VAV2: variants seen among roughly 807,000 people sequenced by gnomAD.
VAV2 encodes guanine nucleotide exchange factor VAV2.
VAV2 carries 67 observed loss-of-function variants against 132.5 expected under a neutral mutation model. The ratio of observed to expected loss-of-function variants is 0.51; its 90% CI spans 0.42 to 0.62. VAV2 has a LOEUF of 0.62. Among genes scored for constraint, VAV2 ranks in the 20% least tolerant of loss-of-function variants. The pLI is 0.00. For synonymous variants in VAV2, 492 were observed against 443.5 expected (o/e 1.11, Z -1.37); for missense variants, 938 against 1,153.6 (o/e 0.81, Z 2.71).
In VAV2 at chr9:133,919,474, G is replaced by A. The variant is rs1425395524; in HGVS notation, c.321+19629C>T. ...GGGGTTCCAGGAGCCCAGGTGTCCC[G>A]GCTCCCAGCCCAGGGACTCACTGTC... On this transcript the variant is annotated intron_variant, in intron 2 of 29. Transcript: ENST00000371850. The surrounding 1 kb of genome is among the most constrained non-coding windows in gnomAD (Gnocchi z 5.8). 3.3e-5 allele frequency among the ~76,000 whole-genome samples: 5 copies of A among 152,164 alleles called. No individual in the cohort carries two copies. The highest frequency in any genetic ancestry group is 1.9e-4 in the East Asian group (1 of 5,188).
At chr9:133,828,501 G>A (rs1019893835) in intron 4 of VAV2, among the ~76,000 whole-genome samples, 3 of 151,964 alleles carry the variant, frequency 2.0e-5, no homozygotes, top group African/African-American at 4.8e-5. Flanking sequence ...CACTGAGCAC[G>A]GGCATCGCCG....
At chr9:133,817,454 G>A (rs965306053) in intron 4 of VAV2, among the ~76,000 whole-genome samples, 40 of 151,990 alleles carry the variant, frequency 2.6e-4, no homozygotes, top group African/African-American at 9.2e-4. Flanking sequence ...GGAGTTCGAG[G>A]CCAGCCTGGC....
At chr9:133,910,646 TA>T (rs377220826) in intron 2 of VAV2, among the ~76,000 whole-genome samples, 7,587 of 138,478 alleles carry the variant, frequency 0.055, 468 homozygotes, top group African/African-American at 0.16. Flanking sequence ...CCGACTCTAC[TA>T]AAAAAAAAAA....
intron 2 of VAV2, among the ~76,000 whole-genome samples, chr9:133,867,075 A>T (rs568458077): frequency 6.6e-6 from 1 of 152,232 alleles, no homozygotes; most frequent in East Asian, 1.9e-4. Context: ...GCAGGAGGAC[A>T]CGCCCCTGCA....
Position 133,787,273 on chromosome 9 carries a change from G to A in VAV2, c.1408-13C>T, listed in dbSNP as rs371196069. 2.4e-5 allele frequency: 38 copies of A among 1,584,686 alleles called. No homozygotes were observed. In the South Asian group the frequency reaches 3.0e-4, roughly 12 times the overall value. On this transcript the variant is annotated splice_polypyrimidine_tract_variant and intron_variant, in intron 15 of 29. Coordinates refer to ENST00000371850, the MANE Select transcript of VAV2 (RefSeq NM_001134398.2). ...TTTTCCCGTGAGACTAGGAAGCATG[G>A]AGAGGAGAGGAAGGGGAAGACGGTC...
intron 3 of VAV2, among the ~76,000 whole-genome samples, chr9:133,859,159 C>G (rs1837501124): frequency 6.6e-6 from 1 of 152,178 alleles, no homozygotes; most frequent in East Asian, 1.9e-4. Context: ...ATTCATCAAT[C>G]AGCAGGACAC....
intron 2 of VAV2, among the ~76,000 whole-genome samples, chr9:133,878,660 C>T (rs12336628): frequency 0.024 from 3,619 of 152,322 alleles, 69 homozygotes; most frequent in African/African-American, 0.059. Flanking sequence ...TCCCTGCTGA[C>T]CCCACCTGCC....
chr9:133,862,957 G>A (rs752675029), intron 2 of VAV2, among the ~76,000 whole-genome samples: 8 of 152,184 alleles, frequency 5.3e-5, no homozygotes, highest in Non-Finnish European at 8.8e-5. Flanking sequence ...CGTGATTCGG[G>A]ACCGGCGCTC....
chr9:133,764,134 CTGTGTGTG>C lies in VAV2; in HGVS notation c.2590-33_2590-26del, dbSNP rs34181788. On this transcript the variant is annotated intron_variant, in intron 29 of 29. Transcript: ENST00000371850. ...TCTGAAAAAGATGGTAAGATCGTGT[CTGTGTGTG>C]TGTGTGTGTGTGTAAGCAGGTGTGT... 6.1e-5 allele frequency: 95 copies of C among 1,555,314 alleles called. No homozygotes were observed. In the Middle Eastern group the frequency reaches 1.7e-3, roughly 28 times the overall value.
intron 1 of VAV2, among the ~76,000 whole-genome samples, chr9:133,952,806 C>G (rs1841605899): frequency 1.3e-5 from 2 of 152,124 alleles, no homozygotes; most frequent in South Asian, 4.1e-4. Flanking sequence ...GGAGCCTCTC[C>G]TAGAGCCTGC....
chr9:133,777,195 G>A (rs563986378), intron 23 of VAV2, among the ~76,000 whole-genome samples, 194 bp downstream of exon 23: 1 of 152,074 alleles, frequency 6.6e-6, no homozygotes, highest in Non-Finnish European at 1.5e-5. Flanking sequence ...CCTTTAAACA[G>A]AGGAGAGCGT....
chr9:133,956,076 T>C (rs1588167757), intron 1 of VAV2, among the ~76,000 whole-genome samples: 1 of 151,890 alleles, frequency 6.6e-6, no homozygotes, highest in African/African-American at 2.4e-5. Context: ...GCTTCCCAGG[T>C]GACGCTGGAC....
At position 133,969,124 on chromosome 9, in the gene VAV2, A is replaced by G. The variant is rs986468420; in HGVS notation, c.204+22951T>C. Among the ~76,000 whole-genome samples, 1 of 149,214 alleles carries G rather than the reference A, an allele frequency of 6.7e-6. No homozygotes were observed. Among genetic ancestry groups the G allele is most frequent in the Non-Finnish European group, 1.5e-5 (1 of 67,904 alleles). On this transcript the variant is annotated intron_variant, in intron 1 of 29. Transcript: ENST00000371850. This position sits in a 1 kb window ranked among gnomAD's most constrained non-coding sequence, Gnocchi z 5.1. ...AGATGAATCCCACATGCCGGGATTC[A>G]CACTTCCCCCGAGAGCTGGATTCCA...
chr9:133,766,096 G>C (rs1178440055), intron 29 of VAV2, among the ~76,000 whole-genome samples: 1 of 152,204 alleles, frequency 6.6e-6, no homozygotes, highest in African/African-American at 2.4e-5. Context: ...GCAGGAAATG[G>C]TGTTGGGTGG....
rs1413510697 is a variant in VAV2, at chr9:133,926,119, C to G, written c.321+12984G>C. Reference sequence around the variant, plus strand: ...CACAGGAAAGAGAAGTGACAAAGACCCACCCAAGAGGTCATCCAGCCAGTC... The same window carrying G: ...CACAGGAAAGAGAAGTGACAAAGACGCACCCAAGAGGTCATCCAGCCAGTC... On this transcript the variant is annotated intron_variant, in intron 2 of 29. Coordinates refer to ENST00000371850, the MANE Select transcript of VAV2 (RefSeq NM_001134398.2). The surrounding 1 kb of genome is among the most constrained non-coding windows in gnomAD (Gnocchi z 4.3). 1 of 152,148 alleles carries G rather than the reference C, an allele frequency of 6.6e-6. No homozygotes were observed. The highest frequency in any genetic ancestry group is 1.5e-5 in the Non-Finnish European group (1 of 68,096). 9.4% of individuals were successfully genotyped at this position (152,148 alleles called of 1,614,324 possible).
chr9:133,795,201 AC>A (rs1246782832), intron 12 of VAV2, among the ~76,000 whole-genome samples: 2 of 152,162 alleles, frequency 1.3e-5, no homozygotes, highest in East Asian at 3.9e-4. Context: ...AGCTGAGCTC[AC>A]CCGGACAAGG....
chr9:133,987,284 G>A (rs538721888), intron 1 of VAV2, among the ~76,000 whole-genome samples: 2 of 151,684 alleles, frequency 1.3e-5, no homozygotes, highest in East Asian at 1.9e-4. Context: ...TTCATTACAC[G>A]AGGCCAGAGA....
intron 8 of VAV2, 131 bp downstream of exon 8, chr9:133,807,127 C>A: frequency 1.9e-6 from 2 of 1,067,794 alleles, no homozygotes; most frequent in Non-Finnish European, 2.6e-6. Context: ...CTCCTCCTTC[C>A]GGCCAGCACG....
chr9:133,944,891 C>G (rs1278496623), intron 1 of VAV2, among the ~76,000 whole-genome samples: 2 of 152,192 alleles, frequency 1.3e-5, no homozygotes, highest in Non-Finnish European at 2.9e-5. Context: ...GGCAAGTCTC[C>G]TCATGTGCAC....
Sources: allele counts gnomAD v4.1 joint callset (sites outside exome capture counted in the v4.1 genomes callset), GRCh38; gene constraint gnomAD v4.1.1; non-coding constraint Gnocchi (gnomAD v3.1); transcripts MANE v1.5; gene names NCBI Gene and HGNC (gene_info 2026-07-23, HGNC 2026-07-21).